The following SGCD variants were observed in gnomAD, a reference collection of about 807,000 sequenced individuals.
The protein encoded by SGCD is delta-sarcoglycan.
In SGCD, 18 loss-of-function variants were observed where a neutral mutation model predicts 36.6. That is an observed-to-expected ratio of 0.49 (90% CI 0.34 to 0.73). The LOEUF is 0.73. SGCD is among the 30% of genes least tolerant of loss of function. The pLI is 0.01. For synonymous variants in SGCD, 133 were observed against 130.6 expected (o/e 1.02, Z -0.12); for missense variants, 387 against 346.7 (o/e 1.12, Z -0.92).
the SGCD span, among the ~76,000 whole-genome samples, chr5:155,774,565 C>A: frequency 6.6e-6 from 1 of 152,116 alleles, no homozygotes; most frequent in Non-Finnish European, 1.5e-5. Context: ...AATCCATGTT[C>A]CTGGCTTTTT....
At chr5:155,875,905 G>A (rs571131241) in intron 1 of SGCD, among the ~76,000 whole-genome samples, 8 of 152,054 alleles carry the variant, frequency 5.3e-5, no homozygotes, top group African/African-American at 1.9e-4. Flanking sequence ...GTGATATTTC[G>A]AGGACTGATG....
At chr5:156,545,190 C>G (rs925215319) in intron 4 of SGCD, among the ~76,000 whole-genome samples, 5 of 152,088 alleles carry the variant, frequency 3.3e-5, no homozygotes, top group Non-Finnish European at 5.9e-5. Flanking sequence ...TGTGTTTTCA[C>G]TTAATATGGA....
chr5:156,123,679 T>A (rs1762102859), intron 2 of SGCD, among the ~76,000 whole-genome samples: 1 of 152,202 alleles, frequency 6.6e-6, no homozygotes, highest in Non-Finnish European at 1.5e-5. Flanking sequence ...TTTTTTGGTA[T>A]GATTCTTTAA....
chr5:156,440,418 C>T (rs4705016), intron 3 of SGCD, among the ~76,000 whole-genome samples: 81,772 of 151,966 alleles, frequency 0.54, 22,153 homozygotes, highest in Middle Eastern at 0.69. Flanking sequence ...AATAATGCTG[C>T]GATGAACAAC....
intron 3 of SGCD, among the ~76,000 whole-genome samples, chr5:156,375,587 T>C (rs1404381493): frequency 6.6e-6 from 1 of 152,128 alleles, no homozygotes; most frequent in Non-Finnish European, 1.5e-5. Context: ...CCCCATTAAA[T>C]GATTGTTTCA....
In SGCD at chr5:155,878,270, G is replaced by A. The variant is rs542115553; in HGVS notation, c.-282+7846G>A. 2.6e-5 allele frequency among the ~76,000 whole-genome samples: 4 copies of A among 152,164 alleles called. No individual in the cohort carries two copies. The South Asian group carries it at 8.3e-4, about 32-fold the overall frequency. ...AAGTTAGTTAATCCAACAGTTCAGT[G>A]GCTTGAATCATAGACTTAGCTCTTA... On this transcript the variant is annotated intron_variant, in intron 1 of 9. Transcript: ENST00000517913.
chr5:156,427,159 T>A (rs1477931915), intron 3 of SGCD, among the ~76,000 whole-genome samples: 1 of 152,188 alleles, frequency 6.6e-6, no homozygotes, highest in Non-Finnish European at 1.5e-5. Context: ...TCAGTATTGA[T>A]TCTACCCATC....
intron 4 of SGCD, among the ~76,000 whole-genome samples, chr5:156,545,226 A>G (rs1452878284): frequency 6.6e-6 from 1 of 152,228 alleles, no homozygotes; most frequent in Non-Finnish European, 1.5e-5. Context: ...CCACCCCACA[A>G]CCAAACTTGT....
At chr5:156,452,099 G>A (rs1754047476) in intron 3 of SGCD, among the ~76,000 whole-genome samples, 2 of 152,098 alleles carry the variant, frequency 1.3e-5, no homozygotes, top group South Asian at 4.2e-4. Context: ...GCCTGTGCTG[G>A]TCACCCCATG....
chr5:155,947,352 T>C (rs1757460116), intron 1 of SGCD, among the ~76,000 whole-genome samples: 2 of 151,774 alleles, frequency 1.3e-5, no homozygotes, highest in East Asian at 3.9e-4. Context: ...GTTTTGGTTT[T>C]TTTTTTATTA....
At chr5:155,944,691 C>G (rs1656594966) in intron 1 of SGCD, among the ~76,000 whole-genome samples, 4 of 152,130 alleles carry the variant, frequency 2.6e-5, no homozygotes, top group Admixed American at 2.6e-4. Flanking sequence ...ATGAACCTTA[C>G]CCTCAAGAAA....
intron 3 of SGCD, among the ~76,000 whole-genome samples, chr5:156,318,593 CTT>C (rs199528833): frequency 0.14 from 19,047 of 138,730 alleles, 1,407 homozygotes; most frequent in Middle Eastern, 0.22. Context: ...TGAATGACCT[CTT>C]TTTTTTTTTT....
intron 6 of SGCD, among the ~76,000 whole-genome samples, chr5:156,622,925 G>C (rs1427167710): frequency 1.3e-5 from 2 of 152,138 alleles, no homozygotes; most frequent in Non-Finnish European, 2.9e-5. Flanking sequence ...GAGCAAGTCA[G>C]AGAGTCCTTC....
At chr5:155,916,879 A>G (rs540805781) in intron 1 of SGCD, among the ~76,000 whole-genome samples, 19 of 152,264 alleles carry the variant, frequency 1.2e-4, no homozygotes, top group African/African-American at 4.3e-4. Context: ...TGCATTCCAG[A>G]CCCAATGAGA....
At position 156,344,766 on chromosome 5, in the gene SGCD, A is replaced by G. The variant is rs1050777269; in HGVS notation, c.192+89A>G. 14 of 959,066 alleles carry G rather than the reference A, an allele frequency of 1.5e-5. No individual in the cohort carries two copies. The South Asian group carries it at 2.1e-4, about 14-fold the overall frequency. 59.4% of individuals were successfully genotyped at this position (959,066 alleles called of 1,614,324 possible). On this transcript the variant is annotated intron_variant, in intron 3 of 8. Transcript: ENST00000337851. ...TGAAGGAATGTGGAAAAGTGATATT[A>G]TTACAGTAGGACTCAAAAAATCTGT...
chr5:156,284,772 A>T (rs983114583), intron 3 of SGCD, among the ~76,000 whole-genome samples: 3 of 152,190 alleles, frequency 2.0e-5, no homozygotes, highest in Non-Finnish European at 4.4e-5. Context: ...CAAGACAGGG[A>T]TGCCCTCTCT....
chr5:156,611,624 T>A (rs1761815371), intron 6 of SGCD, among the ~76,000 whole-genome samples: 1 of 152,240 alleles, frequency 6.6e-6, no homozygotes, highest in African/African-American at 2.4e-5. Context: ...TTCCTGGATC[T>A]TTGTAGACGT....
At chr5:156,694,125 A>G (rs1393779494) in intron 7 of SGCD, among the ~76,000 whole-genome samples, 1 of 152,190 alleles carries the variant, frequency 6.6e-6, no homozygotes, top group African/African-American at 2.4e-5. Flanking sequence ...CTGGTAAAAT[A>G]TAACATCTCC....
chr5:156,153,567 G>A (rs953268909), intron 3 of SGCD, among the ~76,000 whole-genome samples: 1 of 151,634 alleles, frequency 6.6e-6, no homozygotes, highest in Admixed American at 6.6e-5. Context: ...GAGCAGCCTA[G>A]TGGACTACCT....
Sources: gnomAD v4.1 joint callset for allele counts (sites outside exome capture counted in the v4.1 genomes callset) on GRCh38, gnomAD v4.1.1 for gene constraint, MANE v1.5 for transcripts, NCBI Gene and HGNC (gene_info 2026-07-23, HGNC 2026-07-21) for gene names.